Variants in TENT5D observed in about 807,000 individuals in gnomAD.
TENT5D encodes cancer/testis antigen 112.
For missense variants in TENT5D, 191 were observed against 287.0 expected (o/e 0.67, Z 2.42); for synonymous variants, 103 against 100.6 (o/e 1.02, Z -0.15).
chrX:80,424,375 C>T (rs1340708676), intron 1 of TENT5D, among the ~76,000 whole-genome samples: 1 of 111,796 alleles, frequency 8.9e-6, no homozygotes, highest in African/African-American at 3.3e-5. Context: ...GGCTTGGCTT[C>T]GGTTAGCTTT....
At chrX:80,432,477 G>A (rs1004145003) in intron 1 of TENT5D, among the ~76,000 whole-genome samples, 5 of 111,843 alleles carry the variant, frequency 4.5e-5, no homozygotes, top group African/African-American at 1.3e-4. Flanking sequence ...CACACTATTC[G>A]TTTTTAACTG....
Position 80,379,906 on chromosome X carries a change from C to T in TENT5D, c.-142+37342C>T, listed in dbSNP as rs1006749362. On this transcript the variant is annotated intron_variant, in intron 3 of 4. Transcript: ENST00000538312. ...CATTTTGTTGATCTTTTCAAAAAAC[C>T]GGCTCCTGGATTCATTGATTTTTTT... is the stretch of plus-strand genomic sequence containing the variant. Among the ~76,000 whole-genome samples the T allele has an allele frequency of 5.5e-5, 6 of 108,134 alleles. No individual in the cohort carries two copies. The East Asian group carries it at 1.2e-3, about 22-fold the overall frequency. 93.9% of individuals were successfully genotyped at this position (108,134 alleles called of 115,157 possible). A position where few individuals can be genotyped will look rare whatever the true frequency, so the allele number is the denominator to read the frequency against.
intron 3 of TENT5D, among the ~76,000 whole-genome samples, chrX:80,362,174 T>C (rs1392791777): frequency 9.0e-6 from 1 of 111,294 alleles, no homozygotes; most frequent in African/African-American, 3.3e-5. Flanking sequence ...ATCTTTTTTT[T>C]TTTTCTTGAG....
intron 1 of TENT5D, among the ~76,000 whole-genome samples, chrX:80,425,079 G>A (rs1057374857): frequency 1.3e-4 from 15 of 112,534 alleles, no homozygotes; most frequent in Non-Finnish European, 2.4e-4. Context: ...CTTCTTAAAG[G>A]GAAACACATC....
chrX:80,407,775 C>A (rs1931536349), intron 3 of TENT5D, among the ~76,000 whole-genome samples: 1 of 105,424 alleles, frequency 9.5e-6, no homozygotes, highest in South Asian at 4.3e-4. Flanking sequence ...CAGAACTCTC[C>A]ACCCCAAATC....
intron 3 of TENT5D, among the ~76,000 whole-genome samples, chrX:80,342,948 T>C (rs1929988278): frequency 1.5e-5 from 1 of 67,682 alleles, no homozygotes; most frequent in Non-Finnish European, 3.0e-5. Context: ...TCTATCTTTA[T>C]TTTTTTTTTT....
intron 2 of TENT5D, among the ~76,000 whole-genome samples, chrX:80,336,752 A>G (rs1929859101): frequency 8.9e-6 from 1 of 112,032 alleles, no homozygotes; most frequent in Non-Finnish European, 1.9e-5. Context: ...TAGCTAAGCT[A>G]TAAGAATAAG....
intron 1 of TENT5D, among the ~76,000 whole-genome samples, chrX:80,423,213 G>A (rs1310606581): frequency 8.9e-6 from 1 of 112,115 alleles, no homozygotes; most frequent in Non-Finnish European, 1.9e-5. Context: ...GCCACTGGAA[G>A]GGGCAGAGGA....
chrX:80,400,177 T>C (rs942193350), intron 3 of TENT5D, among the ~76,000 whole-genome samples: 2 of 111,618 alleles, frequency 1.8e-5, no homozygotes, highest in African/African-American at 6.5e-5. Flanking sequence ...TATTAAGTCC[T>C]GTACTCCAAA....
exon 3 of TENT5D, chrX:80,442,767 T>C: frequency 2.5e-6 from 3 of 1,211,178 alleles, no homozygotes; most frequent in Middle Eastern, 4.6e-4. Context: ...CAAGCCACAA[T>C]GGAATCAGCT....
chrX:80,428,968 G>T (rs1209131958), intron 1 of TENT5D, among the ~76,000 whole-genome samples: 1 of 111,668 alleles, frequency 9.0e-6, no homozygotes. Context: ...AGAACAGAAA[G>T]ACCAGCTTCA....
chrX:80,383,978 C>G (rs1228630332), intron 3 of TENT5D, among the ~76,000 whole-genome samples: 2 of 111,129 alleles, frequency 1.8e-5, no homozygotes, highest in Non-Finnish European at 3.8e-5. Flanking sequence ...GGAATTCTAC[C>G]AGAGGTACAA....
intron 3 of TENT5D, among the ~76,000 whole-genome samples, chrX:80,392,706 C>T (rs760753451): frequency 3.7e-4 from 38 of 102,439 alleles, no homozygotes; most frequent in South Asian, 4.8e-4. Flanking sequence ...TTAGTAGAGA[C>T]GGGGTTTCAC....
At chrX:80,386,630 T>G (rs1337618999) in intron 3 of TENT5D, among the ~76,000 whole-genome samples, 1 of 111,836 alleles carries the variant, frequency 8.9e-6, no homozygotes, top group Non-Finnish European at 1.9e-5. Context: ...ATTTTAGTTG[T>G]AGGATCGTTA....
At chrX:80,420,881 G>A (rs764702656) in intron 1 of TENT5D, among the ~76,000 whole-genome samples, 2 of 111,970 alleles carry the variant, frequency 1.8e-5, no homozygotes, top group Non-Finnish European at 3.8e-5. Flanking sequence ...TCTAGAGTAA[G>A]AGAGTTACAA....
chrX:80,422,267 GT>G (rs1465501237), intron 1 of TENT5D, among the ~76,000 whole-genome samples: 2 of 110,704 alleles, frequency 1.8e-5, no homozygotes, highest in Non-Finnish European at 3.8e-5. Context: ...GAGGTCAGGA[GT>G]TCAAGACCAT....
At chrX:80,412,340 C>T (rs1285974420) in intron 3 of TENT5D, among the ~76,000 whole-genome samples, 2 of 112,491 alleles carry the variant, frequency 1.8e-5, no homozygotes, top group African/African-American at 6.5e-5. Flanking sequence ...AGGTCTCTGA[C>T]GTGGCCTGGA....
intron 3 of TENT5D, among the ~76,000 whole-genome samples, chrX:80,393,397 T>C (rs1931175384): frequency 9.0e-6 from 1 of 110,730 alleles, no homozygotes; most frequent in Non-Finnish European, 1.9e-5. Flanking sequence ...TCCCCTCCCA[T>C]TGTGTTTAAG....
At chrX:80,354,368 T>A (rs1285789123) in intron 3 of TENT5D, among the ~76,000 whole-genome samples, 1 of 111,692 alleles carries the variant, frequency 9.0e-6, no homozygotes, top group Non-Finnish European at 1.9e-5. Flanking sequence ...TACCCCATAT[T>A]TCTTGGGGAT....
Sources: gnomAD v4.1 joint callset for allele counts (sites outside exome capture counted in the v4.1 genomes callset) on GRCh38, gnomAD v4.1.1 for gene constraint, MANE v1.5 for transcripts, NCBI Gene and HGNC (gene_info 2026-07-23, HGNC 2026-07-21) for gene names.